Variants in L3MBTL4 observed in about 807,000 individuals in gnomAD.
The protein encoded by L3MBTL4 is lethal(3)malignant brain tumor-like protein 4.
In L3MBTL4, 70 loss-of-function variants were observed where a neutral mutation model predicts 84.5. The observed-to-expected ratio is 0.83, with a 90% CI of 0.68 to 1.01. L3MBTL4 has a LOEUF of 1.01. L3MBTL4 is among the 50% of genes least tolerant of loss of function. L3MBTL4 has a pLI of 0.00. For synonymous variants in L3MBTL4, 274 were observed against 259.8 expected (o/e 1.05, Z -0.52); for missense variants, 715 against 754.8 (o/e 0.95, Z 0.62).
chr18:6,381,719 T>G (rs1220679202), intron 1 of L3MBTL4, among the ~76,000 whole-genome samples: 1 of 152,226 alleles, frequency 6.6e-6, no homozygotes, highest in East Asian at 1.9e-4. Context: ...TCTGATGGGG[T>G]TCCGTTTGTG....
chr18:6,106,141 G>C (rs917304372), intron 14 of L3MBTL4, among the ~76,000 whole-genome samples: 1 of 152,196 alleles, frequency 6.6e-6, no homozygotes, highest in Non-Finnish European at 1.5e-5. Context: ...CAGCTAAGAA[G>C]TTATACAGAT....
intron 17 of L3MBTL4, among the ~76,000 whole-genome samples, chr18:5,966,273 A>C (rs993338738): frequency 3.3e-5 from 5 of 152,080 alleles, no homozygotes; most frequent in Non-Finnish European, 7.4e-5. Context: ...GCATAATGGC[A>C]CCCCTGAGAA....
intron 12 of L3MBTL4, among the ~76,000 whole-genome samples, chr18:6,173,325 C>A (rs2044068206): frequency 6.6e-6 from 1 of 152,092 alleles, no homozygotes; most frequent in Non-Finnish European, 1.5e-5. Context: ...CCAGATGAGC[C>A]CTTAACATCA....
At chr18:6,252,450 A>G (rs2146255161) in intron 5 of L3MBTL4, among the ~76,000 whole-genome samples, 1 of 152,256 alleles carries the variant, frequency 6.6e-6, no homozygotes, top group Non-Finnish European at 1.5e-5. Context: ...ATTTACATAA[A>G]CATGATTTAC....
intron 5 of L3MBTL4, among the ~76,000 whole-genome samples, chr18:6,262,011 C>T (rs1688091009): frequency 6.6e-6 from 1 of 152,156 alleles, no homozygotes; most frequent in African/African-American, 2.4e-5. Context: ...CCCTGGGACC[C>T]TGATCTGAGG....
chr18:6,295,288 GCAACAA>G (rs369420795), intron 4 of L3MBTL4, among the ~76,000 whole-genome samples: 1 of 125,178 alleles, frequency 8.0e-6, no homozygotes, highest in Admixed American at 8.7e-5. Context: ...CAAAACAACA[GCAACAA>G]CAACAACAAC....
intron 16 of L3MBTL4, chr18:6,046,590 A>G (rs1361157211): frequency 3.6e-6 from 2 of 554,826 alleles, no homozygotes; most frequent in Admixed American, 7.2e-5. Context: ...AATAGAAATC[A>G]ATACCAAGAT....
chr18:6,108,723 T>C (rs574514188), intron 14 of L3MBTL4, among the ~76,000 whole-genome samples: 33 of 152,304 alleles, frequency 2.2e-4, no homozygotes, highest in Non-Finnish European at 3.4e-4. Context: ...CTTTTGCTTT[T>C]TGGGGTACAT....
intron 1 of L3MBTL4, among the ~76,000 whole-genome samples, chr18:6,382,396 T>C (rs1262151882): frequency 3.9e-5 from 6 of 152,174 alleles, no homozygotes; most frequent in African/African-American, 1.4e-4. Flanking sequence ...TTGTGATCCT[T>C]TGGGGAAGAG....
intron 16 of L3MBTL4, among the ~76,000 whole-genome samples, chr18:5,987,150 G>T (rs1470183008): frequency 1.3e-5 from 2 of 152,214 alleles, no homozygotes; most frequent in East Asian, 3.9e-4. Flanking sequence ...ATCAGTGCTT[G>T]TAGGAGGCTC....
At position 6,311,667 on chromosome 18, in the gene L3MBTL4, G is replaced by A. The variant is rs746432397; in HGVS notation, c.-31-11C>T. The A allele has an allele frequency of 1.3e-6, 2 of 1,540,386 alleles. No individual in the cohort carries two copies. Among genetic ancestry groups the A allele is most frequent in the South Asian group, 1.1e-5 (1 of 89,570 alleles). ...CTTGGCAGTGGTTTTCTGTAAAACAGGGTTACATAAGAAGTTGGGGATGGG... is the reference window on the plus strand; with the variant it reads ...CTTGGCAGTGGTTTTCTGTAAAACAAGGTTACATAAGAAGTTGGGGATGGG... On this transcript the variant is annotated splice_polypyrimidine_tract_variant and intron_variant, in intron 2 of 18. Transcript: ENST00000317931.
At chr18:6,110,585 TG>T (rs1243812362) in intron 14 of L3MBTL4, among the ~76,000 whole-genome samples, 1 of 108,498 alleles carries the variant, frequency 9.2e-6, no homozygotes, top group Non-Finnish European at 1.8e-5. Context: ...CATGTGTACG[TG>T]GGGGGTTGTA....
At chr18:5,986,141 T>G (rs2053455980) in intron 16 of L3MBTL4, among the ~76,000 whole-genome samples, 1 of 152,206 alleles carries the variant, frequency 6.6e-6, no homozygotes, top group African/African-American at 2.4e-5. Context: ...CCGAAAGAGA[T>G]GCCTGCCTTT....
intron 12 of L3MBTL4, among the ~76,000 whole-genome samples, chr18:6,172,529 A>G (rs879606798): frequency 3.3e-5 from 5 of 152,140 alleles, no homozygotes; most frequent in Non-Finnish European, 7.3e-5. Context: ...GCCAAGGGTA[A>G]GCTATTAAGA....
intron 12 of L3MBTL4, among the ~76,000 whole-genome samples, chr18:6,192,639 C>A (rs1194709622): frequency 6.6e-6 from 1 of 152,136 alleles, no homozygotes; most frequent in Non-Finnish European, 1.5e-5. Context: ...AAATCGTTAT[C>A]TAGGAGAATG....
chr18:6,350,883 T>C (rs758117391), intron 1 of L3MBTL4, among the ~76,000 whole-genome samples: 6 of 152,250 alleles, frequency 3.9e-5, no homozygotes, highest in South Asian at 2.1e-4. Flanking sequence ...AATGGAATAT[T>C]ATTCAGCCTT....
intron 15 of L3MBTL4, among the ~76,000 whole-genome samples, chr18:6,084,888 G>A (rs943883872): frequency 1.3e-5 from 2 of 152,216 alleles, no homozygotes; most frequent in African/African-American, 4.8e-5. Flanking sequence ...CACTGCAGGT[G>A]GAGGGCGAGT....
chr18:6,357,483 A>G (rs1466685018), intron 1 of L3MBTL4, among the ~76,000 whole-genome samples: 2 of 152,146 alleles, frequency 1.3e-5, no homozygotes, highest in Non-Finnish European at 2.9e-5. Flanking sequence ...TCCCCTACCA[A>G]TGATCTATTC....
At chr18:6,317,440 C>A (rs2051165208) in intron 1 of L3MBTL4, among the ~76,000 whole-genome samples, 2 of 151,966 alleles carry the variant, frequency 1.3e-5, no homozygotes, top group Non-Finnish European at 2.9e-5. Flanking sequence ...ATGAAAGACA[C>A]ACTTAGGGAG....
Sources: gnomAD v4.1 joint callset for allele counts (sites outside exome capture counted in the v4.1 genomes callset) on GRCh38, gnomAD v4.1.1 for gene constraint, MANE v1.5 for transcripts, NCBI Gene and HGNC (gene_info 2026-07-23, HGNC 2026-07-21) for gene names.